The following MACF1 variants were observed in gnomAD, a reference collection of about 807,000 sequenced individuals.
MACF1 encodes microtubule actin crosslinking factor 1, also known as microtubule-actin cross-linking factor 1.
MACF1 carries 193 observed loss-of-function variants against 854.8 expected under a neutral mutation model. The ratio of observed to expected loss-of-function variants is 0.23; its 90% CI spans 0.20 to 0.25. MACF1 has a LOEUF of 0.25. Ranked by LOEUF, MACF1 falls within the 10% of genes least tolerant of loss-of-function variation. The probability of loss-of-function intolerance (pLI) is 1.00; values close to 1 mark genes in which losing one functional copy is unlikely to be tolerated. For synonymous variants in MACF1, 3,185 were observed against 3,226.7 expected, an observed-to-expected ratio of 0.99 and a Z score of 0.44; for missense variants, 7,722 against 8,929.1, an observed-to-expected ratio of 0.86 and a Z score of 5.45.
At chr1:39,132,426 G>A (rs771022247) in intron 2 of MACF1, among the ~76,000 whole-genome samples, 7 of 152,162 alleles carry the variant, frequency 4.6e-5, no homozygotes, top group Admixed American at 2.0e-4. Flanking sequence ...CTGTGCTTTC[G>A]GTTGGCATTA....
In MACF1 at chr1:39,450,936, C is replaced by T. The variant is rs983957949; in HGVS notation, c.20259-116C>T. The T allele has an allele frequency of 1.3e-5, 15 of 1,182,274 alleles. No individual in the cohort carries two copies. In the Admixed American group the frequency reaches 3.2e-4, roughly 25 times the overall value. 73.2% of individuals were successfully genotyped at this position (1,182,274 alleles called of 1,614,324 possible). ...TTTACTGTATTTCTAACTGTTCTAACATAGAAGTCACTCTCTATATAGGGT... is the reference window on the plus strand; with the variant it reads ...TTTACTGTATTTCTAACTGTTCTAATATAGAAGTCACTCTCTATATAGGGT... On this transcript the variant is annotated intron_variant, in intron 84 of 100. Coordinates refer to ENST00000564288, the MANE Select transcript of MACF1 (RefSeq NM_001394062.1).
chr1:39,261,786 G>A (rs551424458), intron 6 of MACF1, among the ~76,000 whole-genome samples: 52 of 152,256 alleles, frequency 3.4e-4, no homozygotes, highest in Admixed American at 2.8e-3. Context: ...GTGGGTTTAT[G>A]TTTTCATTTC....
intron 2 of MACF1, among the ~76,000 whole-genome samples, chr1:39,158,848 G>C (rs1355471858): frequency 6.6e-6 from 1 of 152,220 alleles, no homozygotes; most frequent in Non-Finnish European, 1.5e-5. Flanking sequence ...TCAAAGTCCA[G>C]TTCTTGGGGG....
At chr1:39,416,948 T>G (rs1006714326) in intron 58 of MACF1, among the ~76,000 whole-genome samples, 2 of 152,214 alleles carry the variant, frequency 1.3e-5, no homozygotes, top group African/African-American at 4.8e-5. Flanking sequence ...TTAACATGAG[T>G]ATACAGGTTT....
At position 39,359,242 on chromosome 1, in the gene MACF1, C is replaced by T. The variant is rs1009499175; in HGVS notation, c.12222C>T (p.His4074=). Residue 4074 remains histidine, a synonymous_variant, in exon 47 of 101, where the codon CAC becomes CAT. Transcript: ENST00000564288. ...TTGAAGGGGAGCCAGCCCCAGACCA[C>T]AGGCATGTTCAAGAAACTACAGGTA... ...MEIEGEPAPD[H]RHVQETTDSI... The T allele has an allele frequency of 6.2e-7, 1 of 1,614,014 alleles. No individual in the cohort carries two copies. Among genetic ancestry groups the T allele is most frequent in the Non-Finnish European group, 8.5e-7 (1 of 1,180,044 alleles).
At chr1:39,449,001 G>T (rs1644281784) in intron 84 of MACF1, among the ~76,000 whole-genome samples, 1 of 152,154 alleles carries the variant, frequency 6.6e-6, no homozygotes, top group South Asian at 2.1e-4. Context: ...AACAATAATA[G>T]ATCAGTAACT....
chr1:39,352,065 A>G (rs775721790), intron 43 of MACF1, among the ~76,000 whole-genome samples: 1 of 152,040 alleles, frequency 6.6e-6, no homozygotes, highest in African/African-American at 2.4e-5. Context: ...TCTGCACCCC[A>G]CTCAGCACTG....
intron 2 of MACF1, among the ~76,000 whole-genome samples, chr1:39,176,917 G>A (rs1644037146): frequency 6.6e-6 from 1 of 152,098 alleles, no homozygotes; most frequent in Admixed American, 6.6e-5. Context: ...TCCTTGAATT[G>A]TGACTTTTTT....
rs1272115386 is a variant in MACF1, at chr1:39,276,579, C to CT, written c.529-5627dup. On this transcript the variant is annotated intron_variant, in intron 6 of 100. Coordinates refer to ENST00000564288, the MANE Select transcript of MACF1 (RefSeq NM_001394062.1). The stretch of plus-strand genomic sequence containing the variant: ...TCCACTTTCTACGTGGAATTCCTTT[C>CT]TTCCTTGGCTTTCACCTGTTCTGTA... Among the ~76,000 whole-genome samples the CT allele has an allele frequency of 3.3e-5, 5 of 152,292 alleles. No individual in the cohort carries two copies. The South Asian group carries it at 8.3e-4, about 25-fold the overall frequency.
chr1:39,335,326 C>A lies in MACF1; in HGVS notation c.8738C>A (p.Ala2913Glu), dbSNP rs781196633. Residue 2913 changes from alanine to glutamate, a missense_variant, in exon 37 of 101, where the codon GCA (alanine) becomes GAA (glutamate). By Grantham distance (107) the Ala-to-Glu change is moderately radical. Coordinates refer to ENST00000564288, the MANE Select transcript of MACF1 (RefSeq NM_001394062.1). ...GATACAAATGAAGAGCAGGAAAAAG[C>A]AGTGACAAAAATAGAAATTATTTCT... ...GNDTNEEQEK[A>E]VTKIEIISHM... 3.7e-6 allele frequency: 6 copies of A among 1,613,658 alleles called. No individual in the cohort carries two copies. Among genetic ancestry groups the A allele is most frequent in the Non-Finnish European group, 5.1e-6 (6 of 1,179,858 alleles).
At chr1:39,124,843 G>A (rs557654913) in intron 2 of MACF1, among the ~76,000 whole-genome samples, 1 of 152,330 alleles carries the variant, frequency 6.6e-6, no homozygotes, top group East Asian at 1.9e-4. Flanking sequence ...AGAACAAACA[G>A]GTTAAGTGAC....
chr1:39,250,965 G>T (rs1645034295), intron 3 of MACF1, among the ~76,000 whole-genome samples: 1 of 152,114 alleles, frequency 6.6e-6, no homozygotes, highest in Non-Finnish European at 1.5e-5. Flanking sequence ...GTTGAATACT[G>T]GAAATATCTG....
At chr1:39,477,047 A>G (rs866108851) in intron 97 of MACF1, among the ~76,000 whole-genome samples, 302 of 6,504 alleles carry the variant, frequency 0.046, 7 homozygotes, top group Middle Eastern at 0.12. Context: ...CACTTAGTGT[A>G]TATATATATA....
At position 39,427,443 on chromosome 1, in the gene MACF1, A is replaced by G. The variant is rs374803980; in HGVS notation, c.16317-12A>G. ...TTTCTTCCTGAGCAGCTTGTTCTAT[A>G]TATTTGTGTAGGCAAAAACAGCTGG... On this transcript the variant is annotated splice_polypyrimidine_tract_variant and intron_variant, in intron 61 of 100. Coordinates refer to ENST00000564288, the MANE Select transcript of MACF1 (RefSeq NM_001394062.1). 5 of 1,613,084 alleles carry G rather than the reference A, an allele frequency of 3.1e-6. No homozygotes were observed. The African/African-American group carries it at 4.0e-5, about 13-fold the overall frequency.
In MACF1 at chr1:39,409,986, C is replaced by T. The variant is rs1450917507; in HGVS notation, c.15817-12388C>T. The T allele has an allele frequency of 1.5e-5, 5 of 339,714 alleles. No individual in the cohort carries two copies. Among genetic ancestry groups the T allele is most frequent in the Admixed American group, 4.4e-5 (1 of 22,864 alleles). The allele number at this position is 339,714 out of a possible 1,614,324, so 21.0% of individuals were successfully genotyped here. On this transcript the variant is annotated intron_variant, in intron 58 of 100. Transcript: ENST00000564288. The surrounding 1 kb of genome is among the most constrained non-coding windows in gnomAD (Gnocchi z 4.2). Reference sequence around the variant, plus strand: ...TGACTGTATTTGAAAGAGCAGTGCTCTTAAAAAAAATTAAACCATAAGCCA... The same window carrying T: ...TGACTGTATTTGAAAGAGCAGTGCTTTTAAAAAAAATTAAACCATAAGCCA...
intron 92 of MACF1, among the ~76,000 whole-genome samples, chr1:39,461,010 G>T (rs911270456): frequency 1.3e-5 from 2 of 151,358 alleles, no homozygotes; most frequent in Non-Finnish European, 2.9e-5. Flanking sequence ...TGAGCCTGGG[G>T]AGGTCAAGGC....
intron 2 of MACF1, among the ~76,000 whole-genome samples, chr1:39,181,300 G>T (rs1644101984): frequency 6.6e-6 from 1 of 152,180 alleles, no homozygotes; most frequent in Non-Finnish European, 1.5e-5. Flanking sequence ...AGAGCATAGG[G>T]AAATTTGAGT....
chr1:39,422,061 C>T (rs569733678), intron 58 of MACF1, among the ~76,000 whole-genome samples: 13 of 151,208 alleles, frequency 8.6e-5, no homozygotes, highest in African/African-American at 2.9e-4. Flanking sequence ...GGCGACAGAG[C>T]GAGACTCTGT....
At chr1:39,423,634 CAA>C (rs372928855) in intron 60 of MACF1, among the ~76,000 whole-genome samples, 14 of 93,944 alleles carry the variant, frequency 1.5e-4, no homozygotes, top group Admixed American at 2.4e-4. Flanking sequence ...GACTCTGTCT[CAA>C]AAAAAAAAAA....
Sources: allele counts gnomAD v4.1 joint callset (sites outside exome capture counted in the v4.1 genomes callset), GRCh38; gene constraint gnomAD v4.1.1; non-coding constraint Gnocchi (gnomAD v3.1); transcripts MANE v1.5; gene names NCBI Gene and HGNC (gene_info 2026-07-23, HGNC 2026-07-21).